Variants in UNC5D observed in about 807,000 individuals in gnomAD.
The protein encoded by UNC5D is netrin receptor UNC5D.
UNC5D carries 39 observed loss-of-function variants against 105.4 expected under a neutral mutation model. That is an observed-to-expected ratio of 0.37 (90% CI 0.29 to 0.48). UNC5D has a LOEUF of 0.48. UNC5D is among the 20% of genes least tolerant of loss of function. The pLI is 0.98. For synonymous variants in UNC5D, 452 were observed against 450.4 expected (o/e 1.00, Z -0.04); for missense variants, 991 against 1,202.4 (o/e 0.82, Z 2.60).
chr8:35,724,867 T>C (rs1828774990), intron 9 of UNC5D, among the ~76,000 whole-genome samples: 1 of 152,164 alleles, frequency 6.6e-6, no homozygotes, highest in Admixed American at 6.5e-5. Context: ...CCTGAAGAAC[T>C]CAGTGCAGAC....
intron 1 of UNC5D, chr8:35,525,323 T>C (rs1001827695): frequency 1.9e-5 from 31 of 1,612,116 alleles, no homozygotes; most frequent in Non-Finnish European, 2.5e-5. Context: ...AGTTTTCCAC[T>C]TGATATGGGG....
chr8:35,434,565 T>C (rs1195849074), intron 1 of UNC5D, among the ~76,000 whole-genome samples: 2 of 152,150 alleles, frequency 1.3e-5, no homozygotes, highest in Non-Finnish European at 2.9e-5. Flanking sequence ...ATTAAAGTTA[T>C]CTTTTCTTCT....
chr8:35,285,108 T>G (rs1482745960), intron 1 of UNC5D, among the ~76,000 whole-genome samples: 1 of 152,230 alleles, frequency 6.6e-6, no homozygotes, highest in Non-Finnish European at 1.5e-5. Flanking sequence ...TATGCTGTTA[T>G]ACAATACCAC....
intron 1 of UNC5D, among the ~76,000 whole-genome samples, chr8:35,450,699 G>A (rs2128990751): frequency 6.6e-6 from 1 of 152,194 alleles, no homozygotes; most frequent in South Asian, 2.1e-4. Flanking sequence ...GAATTACAAT[G>A]GGACAACTTA....
At chr8:35,527,611 C>T (rs191392296) in intron 1 of UNC5D, among the ~76,000 whole-genome samples, 86 of 152,140 alleles carry the variant, frequency 5.7e-4, no homozygotes, top group Admixed American at 5.0e-3. Context: ...GGCATGATCT[C>T]GACTCACTGC....
intron 1 of UNC5D, among the ~76,000 whole-genome samples, chr8:35,435,384 A>G (rs1001067809): frequency 6.6e-6 from 1 of 152,110 alleles, no homozygotes; most frequent in Non-Finnish European, 1.5e-5. Context: ...TCTTCAATGC[A>G]TTTCTGGAGA....
intron 1 of UNC5D, among the ~76,000 whole-genome samples, chr8:35,488,963 C>T (rs575576437): frequency 5.8e-4 from 88 of 150,712 alleles, no homozygotes; most frequent in African/African-American, 1.9e-3. Context: ...AGTTTGGGGG[C>T]GGGCCGTATA....
chr8:35,601,034 C>T (rs1203486036), intron 4 of UNC5D, among the ~76,000 whole-genome samples: 1 of 152,072 alleles, frequency 6.6e-6, no homozygotes, highest in Non-Finnish European at 1.5e-5. Context: ...CCAGTTTTCC[C>T]AGCACCATTT....
chr8:35,766,935 C>G lies in UNC5D; in HGVS notation c.2347C>G (p.Arg783Gly), dbSNP rs776286236. 3.1e-6 allele frequency: 5 copies of G among 1,613,698 alleles called. No individual in the cohort carries two copies. The highest frequency in any genetic ancestry group is 4.2e-6 in the Non-Finnish European group (5 of 1,179,858). The change falls in exon 15 of 17, where the codon CGG becomes GGG. Residue 783 changes from arginine (R) to glycine (G), a missense_variant. Physicochemically the swap from Arg to Gly is moderately radical, Grantham distance 125 (BLOSUM62 -2). Transcript: ENST00000404895. Reference sequence around the variant, plus strand: ...GTTCTCCCGCGTGTGGTGCAGTAACCGGCAGCCCCTGCACTGTGCCTTCTC... The same window carrying G: ...GTTCTCCCGCGTGTGGTGCAGTAACGGGCAGCCCCTGCACTGTGCCTTCTC... Reference protein sequence around the residue: ...VPFSRVWCSNRQPLHCAFSLE... With the variant: ...VPFSRVWCSNGQPLHCAFSLE...
At chr8:35,265,746 T>A (rs1340502432) in intron 1 of UNC5D, among the ~76,000 whole-genome samples, 1 of 152,040 alleles carries the variant, frequency 6.6e-6, no homozygotes, top group East Asian at 1.9e-4. Flanking sequence ...GGCAGGCGCC[T>A]GTAGTCCCAG....
intron 3 of UNC5D, among the ~76,000 whole-genome samples, chr8:35,579,633 T>C (rs1818339237): frequency 6.6e-6 from 1 of 152,280 alleles, no homozygotes; most frequent in Admixed American, 6.5e-5. Flanking sequence ...TGGAACATCA[T>C]GTGACCTATG....
rs866483515 is a variant in UNC5D at position 35,658,898 on chromosome 8, G to A, written c.571-24649G>A. ...TCTTCATCTCCTGACCTCATGATCC[G>A]CCGGCCTCGGCCTTCCAAAGCGCTG... On this transcript the variant is annotated intron_variant, in intron 4 of 16. Transcript: ENST00000404895. Among the ~76,000 whole-genome samples the A allele has an allele frequency of 7.9e-5, 12 of 151,984 alleles. No individual in the cohort carries two copies. The East Asian group carries it at 1.4e-3, about 17-fold the overall frequency.
chr8:35,612,931 C>T (rs1820787272), intron 4 of UNC5D, among the ~76,000 whole-genome samples: 1 of 151,880 alleles, frequency 6.6e-6, no homozygotes, highest in African/African-American at 2.4e-5. Context: ...GCAGTTAGGT[C>T]CCTGCAGTCA....
At chr8:35,470,125 C>G (rs533885583) in intron 1 of UNC5D, among the ~76,000 whole-genome samples, 5 of 152,130 alleles carry the variant, frequency 3.3e-5, no homozygotes, top group African/African-American at 1.2e-4. Flanking sequence ...GCTAAGAACA[C>G]AAAGTAAATA....
At chr8:35,300,127 T>A (rs886217998) in intron 1 of UNC5D, among the ~76,000 whole-genome samples, 1 of 152,000 alleles carries the variant, frequency 6.6e-6, no homozygotes, top group Admixed American at 6.6e-5. Context: ...AGCACTTCTC[T>A]TATGCCTTAG....
intron 1 of UNC5D, among the ~76,000 whole-genome samples, chr8:35,436,268 A>G (rs1807009874): frequency 6.6e-6 from 1 of 152,030 alleles, no homozygotes; most frequent in African/African-American, 2.4e-5. Context: ...TATAAGTGAG[A>G]CTGTTGAAGT....
At chr8:35,606,906 G>A (rs913272678) in intron 4 of UNC5D, among the ~76,000 whole-genome samples, 1 of 152,154 alleles carries the variant, frequency 6.6e-6, no homozygotes. Context: ...TCCTATGAGA[G>A]GACAGGCTGG....
chr8:35,271,338 T>TGTGTATGTATATGTATACACACATGCAC (rs1563267165), intron 1 of UNC5D, among the ~76,000 whole-genome samples: 25 of 80,302 alleles, frequency 3.1e-4, no homozygotes, highest in Non-Finnish European at 4.9e-4. Flanking sequence ...CACACGTGCA[T>TGTGTATGTATATGTATACACACATGCAC]GTGTGTATGT....
chr8:35,262,091 T>A (rs1034160213), intron 1 of UNC5D, among the ~76,000 whole-genome samples: 1 of 152,202 alleles, frequency 6.6e-6, no homozygotes, highest in Non-Finnish European at 1.5e-5. Context: ...GTTAAATTTG[T>A]GTACATGCTC....
Sources: allele counts gnomAD v4.1 joint callset (sites outside exome capture counted in the v4.1 genomes callset), GRCh38; gene constraint gnomAD v4.1.1; transcripts MANE v1.5; gene names NCBI Gene and HGNC (gene_info 2026-07-23, HGNC 2026-07-21).